The following ENTREP2 variants were observed in gnomAD, a reference collection of about 807,000 sequenced individuals.
The protein encoded by ENTREP2 is protein ENTREP2.
the ENTREP2 span, among the ~76,000 whole-genome samples, chr15:29,462,254 G>C: frequency 0.029 from 4,471 of 152,126 alleles, 241 homozygotes; most frequent in African/African-American, 0.1. Flanking sequence ...TCCATCCTTT[G>C]AGTATATACC....
the ENTREP2 span, among the ~76,000 whole-genome samples, chr15:29,453,007 G>A: frequency 6.6e-6 from 1 of 152,140 alleles, no homozygotes; most frequent in African/African-American, 2.4e-5. Context: ...GCCAAGTAAC[G>A]AGCAAACATG....
chr15:29,443,368 A>C, the ENTREP2 span, among the ~76,000 whole-genome samples: 1 of 152,246 alleles, frequency 6.6e-6, no homozygotes, highest in East Asian at 1.9e-4. Context: ...CTGACATCCA[A>C]AGATGCCCGG....
At chr15:29,176,157 T>C in the ENTREP2 span, among the ~76,000 whole-genome samples, 1 of 119,146 alleles carries the variant, frequency 8.4e-6, no homozygotes, top group Non-Finnish European at 1.8e-5. Flanking sequence ...AAGTAATGTC[T>C]CTAATCTGCA....
the ENTREP2 span, among the ~76,000 whole-genome samples, chr15:29,237,377 T>C: frequency 6.6e-6 from 1 of 152,246 alleles, no homozygotes; most frequent in African/African-American, 2.4e-5. Context: ...GGTGATGATT[T>C]TGGAGTCAAG....
At chr15:29,435,699 T>C in the ENTREP2 span, among the ~76,000 whole-genome samples, 1 of 152,004 alleles carries the variant, frequency 6.6e-6, no homozygotes, top group Non-Finnish European at 1.5e-5. Context: ...TATATGTATA[T>C]ATATACAATA....
the ENTREP2 span, among the ~76,000 whole-genome samples, chr15:29,295,116 A>C: frequency 3.3e-5 from 5 of 152,102 alleles, no homozygotes; most frequent in Non-Finnish European, 7.3e-5. Context: ...ACAGTGAAAA[A>C]CCCATGTAAA....
At chr15:29,284,042 G>A in the ENTREP2 span, among the ~76,000 whole-genome samples, 1 of 152,150 alleles carries the variant, frequency 6.6e-6, no homozygotes, top group Non-Finnish European at 1.5e-5. Flanking sequence ...GTGGATGCAG[G>A]AGGATGCATC....
the ENTREP2 span, among the ~76,000 whole-genome samples, chr15:29,637,133 G>T: frequency 3.3e-5 from 5 of 152,260 alleles, no homozygotes; most frequent in Middle Eastern, 3.4e-3. Context: ...CCAAACAAAG[G>T]GATCCTCAGA....
the ENTREP2 span, among the ~76,000 whole-genome samples, chr15:29,423,514 G>A: frequency 6.6e-6 from 1 of 152,052 alleles, no homozygotes; most frequent in Non-Finnish European, 1.5e-5. Flanking sequence ...TTGGGCCGGC[G>A]CGGTGGCTCA....
the ENTREP2 span, among the ~76,000 whole-genome samples, chr15:29,129,740 C>A: frequency 6.6e-6 from 1 of 152,186 alleles, no homozygotes; most frequent in African/African-American, 2.4e-5. Context: ...TCTGCCCCAT[C>A]TTCATTTTGC....
the ENTREP2 span, among the ~76,000 whole-genome samples, chr15:29,444,218 G>GAAAGA: frequency 7.4e-5 from 11 of 148,136 alleles, no homozygotes; most frequent in African/African-American, 2.6e-4. Flanking sequence ...AAGAAAGAAA[G>GAAAGA]AAAGAAAGAA....
the ENTREP2 span, among the ~76,000 whole-genome samples, chr15:29,489,064 G>A: frequency 6.6e-6 from 1 of 152,106 alleles, no homozygotes; most frequent in South Asian, 2.1e-4. Context: ...ACAACGGTGT[G>A]AATGTACTAA....
At chr15:29,330,908 T>C in the ENTREP2 span, among the ~76,000 whole-genome samples, 1 of 152,200 alleles carries the variant, frequency 6.6e-6, no homozygotes, top group Non-Finnish European at 1.5e-5. Flanking sequence ...AAAATCCAAA[T>C]GGCAATCACA....
At chr15:29,490,563 G>C in the ENTREP2 span, among the ~76,000 whole-genome samples, 1 of 152,196 alleles carries the variant, frequency 6.6e-6, no homozygotes. Context: ...TGTTTTGACA[G>C]GGTGCTGATT....
chr15:29,397,960 G>C, the ENTREP2 span, among the ~76,000 whole-genome samples: 1 of 151,682 alleles, frequency 6.6e-6, no homozygotes, highest in Non-Finnish European at 1.5e-5. Flanking sequence ...AATATTTAAT[G>C]AATTTCCCCC....
the ENTREP2 span, among the ~76,000 whole-genome samples, chr15:29,273,284 C>T: frequency 5.9e-5 from 9 of 151,398 alleles, no homozygotes; most frequent in African/African-American, 2.0e-4. Context: ...CTGCAACCTC[C>T]GCCTCCTGGG....
the ENTREP2 span, chr15:29,613,268 G>A: frequency 1.1e-5 from 2 of 175,194 alleles, no homozygotes; most frequent in South Asian, 1.2e-4. Flanking sequence ...TAGCGCATCG[G>A]GTAGTGAGCA....
At chr15:29,390,276 T>C in the ENTREP2 span, among the ~76,000 whole-genome samples, 1 of 152,338 alleles carries the variant, frequency 6.6e-6, no homozygotes, top group East Asian at 1.9e-4. Context: ...AAAAGGGTCA[T>C]GAATCTAGTT....
At chr15:29,188,149 C>A in the ENTREP2 span, among the ~76,000 whole-genome samples, 1 of 152,178 alleles carries the variant, frequency 6.6e-6, no homozygotes, top group Non-Finnish European at 1.5e-5. Flanking sequence ...GGTCTCTGCT[C>A]CTCAGTCCCT....
Sources: gnomAD v4.1 joint callset for allele counts (sites outside exome capture counted in the v4.1 genomes callset) on GRCh38, gnomAD v4.1.1 for gene constraint, MANE v1.5 for transcripts, NCBI Gene and HGNC (gene_info 2026-07-23, HGNC 2026-07-21) for gene names.